Variants in DZIP3 observed in about 807,000 individuals in gnomAD.
DZIP3 encodes DAZ interacting zinc finger protein 3, also known as E3 ubiquitin-protein ligase DZIP3.
DZIP3 carries 118 observed loss-of-function variants against 162.0 expected under a neutral mutation model. That is an observed-to-expected ratio of 0.73 (90% CI 0.63 to 0.85). The LOEUF (loss-of-function observed/expected upper bound fraction) is 0.85. DZIP3 is among the 40% of genes least tolerant of loss of function. DZIP3 has a pLI of 0.00. For synonymous variants in DZIP3, 438 were observed against 458.6 expected (o/e 0.96, Z 0.57); for missense variants, 1,331 against 1,407.0 (o/e 0.95, Z 0.86).
At chr3:108,675,939 A>G in intron 25 of DZIP3, 66 bp downstream of exon 25, 1 of 1,345,108 alleles carries the variant, frequency 7.4e-7, no homozygotes, top group Non-Finnish European at 1.0e-6. Context: ...GTTAGAAGAC[A>G]TATTAGTAGA....
At chr3:108,682,833 T>C (rs1944369810) in intron 26 of DZIP3, among the ~76,000 whole-genome samples, 1 of 150,776 alleles carries the variant, frequency 6.6e-6, no homozygotes, top group Admixed American at 6.6e-5. Context: ...CGTTACACCA[T>C]ACATGTATAC....
At chr3:108,668,361 A>G (rs1367041626) in intron 21 of DZIP3, among the ~76,000 whole-genome samples, 5 of 152,044 alleles carry the variant, frequency 3.3e-5, no homozygotes. Context: ...CATGAGAAAA[A>G]GACTGAGAAG....
chr3:108,679,346 C>T (rs1442781773), intron 26 of DZIP3, among the ~76,000 whole-genome samples: 1 of 152,064 alleles, frequency 6.6e-6, no homozygotes, highest in Non-Finnish European at 1.5e-5. Flanking sequence ...CCTCCAGATC[C>T]TTTTATCCCT....
chr3:108,660,602 C>G (rs1943374857), intron 19 of DZIP3, among the ~76,000 whole-genome samples: 2 of 151,996 alleles, frequency 1.3e-5, no homozygotes, highest in African/African-American at 4.8e-5. Context: ...TCTAAAACAC[C>G]AAAAGCAATG....
At chr3:108,632,840 C>T (rs1411053557) in intron 8 of DZIP3, 113 bp from the exon 9 acceptor site, 8 of 520,128 alleles carry the variant, frequency 1.5e-5, no homozygotes, top group South Asian at 6.6e-5. Context: ...ACAAGTACTT[C>T]GAAAAGGGAT....
At chr3:108,672,792 C>T (rs1943972673) in intron 23 of DZIP3, 136 bp downstream of exon 23, 1 of 704,482 alleles carries the variant, frequency 1.4e-6, no homozygotes, top group Non-Finnish European at 2.3e-6. Context: ...CAGGAAAATA[C>T]AGTTGAAAGT....
intron 17 of DZIP3, 121 bp downstream of exon 17, chr3:108,649,083 C>T (rs914294958): frequency 7.5e-6 from 4 of 533,474 alleles, no homozygotes; most frequent in Non-Finnish European, 1.1e-5. Flanking sequence ...CAATAGCTTA[C>T]TGAGTATATG....
chr3:108,653,505 G>GTATATATATATATA (rs1216334552), intron 18 of DZIP3, among the ~76,000 whole-genome samples: 1 of 67,824 alleles, frequency 1.5e-5, no homozygotes, highest in Non-Finnish European at 3.3e-5. Flanking sequence ...TTGTGTGTGT[G>GTATATATATATATA]TGTATATATA....
At position 108,636,641 on chromosome 3, in the gene DZIP3, A is replaced by C. The variant is rs1942160968; in HGVS notation, c.944A>C (p.Lys315Thr). Reference sequence around the variant, plus strand: ...AGTTTTAGTGGGAAAAAATGTTTGAAGGAAGGATGTACAGGTGACATGGTA... The same window carrying C: ...AGTTTTAGTGGGAAAAAATGTTTGACGGAAGGATGTACAGGTGACATGGTA... Reference protein sequence around the residue: ...DQSFSGKKCLKEGCTGDMVRM... With the variant: ...DQSFSGKKCLTEGCTGDMVRM... The change falls in exon 11 of 33, where the codon AAG (lysine) becomes ACG (threonine). Residue 315 changes from lysine (K) to threonine (T), a missense_variant. Physicochemically the swap from Lys to Thr is moderately conservative, Grantham distance 78. Transcript: ENST00000361582. The C allele has an allele frequency of 6.4e-7, 1 of 1,565,868 alleles. No individual in the cohort carries two copies. Among genetic ancestry groups the C allele is most frequent in the Admixed American group, 2.0e-5 (1 of 48,920 alleles).
At chr3:108,662,919 G>A (rs1279524966) in intron 21 of DZIP3, among the ~76,000 whole-genome samples, 1 of 152,144 alleles carries the variant, frequency 6.6e-6, no homozygotes, top group East Asian at 1.9e-4. Context: ...TAAGACACCA[G>A]CCATCCAAGA....
chr3:108,672,418 T>C, intron 22 of DZIP3, 142 bp from the exon 23 acceptor site: 1 of 667,040 alleles, frequency 1.5e-6, no homozygotes, highest in Non-Finnish European at 2.6e-6. Context: ...ACAATGTATC[T>C]TCTCTTGTTT....
intron 21 of DZIP3, among the ~76,000 whole-genome samples, chr3:108,669,042 G>A (rs1196871954): frequency 6.6e-6 from 1 of 151,906 alleles, no homozygotes; most frequent in East Asian, 1.9e-4. Context: ...CAACCAAAAA[G>A]TATATGCGTT....
At chr3:108,635,337 A>G in intron 10 of DZIP3, 1 of 291,606 alleles carries the variant, frequency 3.4e-6, no homozygotes, top group South Asian at 3.8e-5. Flanking sequence ...ATTTCTTAGT[A>G]AAAACACAGA....
intron 19 of DZIP3, among the ~76,000 whole-genome samples, chr3:108,660,086 T>G (rs867184616): frequency 1.6e-4 from 25 of 152,148 alleles, no homozygotes; most frequent in African/African-American, 3.9e-4. Context: ...TAGATTCAAT[T>G]CCATCCCCAT....
intron 14 of DZIP3, among the ~76,000 whole-genome samples, chr3:108,646,411 T>TC (rs1263239269): frequency 1.3e-5 from 2 of 152,216 alleles, no homozygotes; most frequent in Admixed American, 6.5e-5. Flanking sequence ...TACTTTTTTT[T>TC]CTCTAATCAT....
At chr3:108,669,515 C>T (rs1943839510) in intron 21 of DZIP3, among the ~76,000 whole-genome samples, 166 bp from the exon 22 acceptor site, 1 of 151,850 alleles carries the variant, frequency 6.6e-6, no homozygotes, top group African/African-American at 2.4e-5. Flanking sequence ...AAACAAGATA[C>T]ATTTCAAAAG....
intron 1 of DZIP3, among the ~76,000 whole-genome samples, chr3:108,594,434 TC>T (rs1166882131): frequency 3.1e-4 from 23 of 73,578 alleles, no homozygotes; most frequent in African/African-American, 6.0e-4. Flanking sequence ...CCCTCCCTGC[TC>T]CCCCCCCATA....
At chr3:108,631,053 A>ACTCT (rs1559741298) in intron 8 of DZIP3, among the ~76,000 whole-genome samples, 38 of 32,280 alleles carry the variant, frequency 1.2e-3, no homozygotes, top group East Asian at 4.0e-3. Flanking sequence ...ACACACACAC[A>ACTCT]CACTCTCTCT....
intron 4 of DZIP3, among the ~76,000 whole-genome samples, chr3:108,616,305 T>A (rs528965567): frequency 2.1e-5 from 3 of 145,180 alleles, no homozygotes; most frequent in Non-Finnish European, 4.5e-5. Flanking sequence ...AATAAATAAA[T>A]AAAATAAAAT....
Sources: allele counts gnomAD v4.1 joint callset (sites outside exome capture counted in the v4.1 genomes callset), GRCh38; gene constraint gnomAD v4.1.1; transcripts MANE v1.5; gene names NCBI Gene and HGNC (gene_info 2026-07-23, HGNC 2026-07-21).